The following A2ML1 variants were observed in gnomAD, a reference collection of about 807,000 sequenced individuals.
A2ML1 encodes alpha-2-macroglobulin-like protein 1.
In A2ML1, 161 loss-of-function variants were observed where a neutral mutation model predicts 181.9. The ratio of observed to expected loss-of-function variants is 0.89; its 90% CI spans 0.78 to 1.01. A2ML1 has a LOEUF of 1.01. Ranked by LOEUF, A2ML1 falls within the 50% of genes least tolerant of loss-of-function variation. The probability of loss-of-function intolerance (pLI) is 0.00; values close to 1 mark genes in which losing one functional copy is unlikely to be tolerated. For missense variants in A2ML1, 1,670 were observed against 1,768.1 expected (o/e 0.94, Z 1.00); for synonymous variants, 663 against 666.8 (o/e 0.99, Z 0.09).
At chr12:8,840,801 G>A (rs1943441655) in intron 10 of A2ML1, among the ~76,000 whole-genome samples, 1 of 151,916 alleles carries the variant, frequency 6.6e-6, no homozygotes, top group Non-Finnish European at 1.5e-5. Flanking sequence ...CCACTACTTG[G>A]GAGGCTGAGG....
At chr12:8,882,826 AT>A (rs1399372645) in intron 7 of A2ML1, among the ~76,000 whole-genome samples, 1 of 152,132 alleles carries the variant, frequency 6.6e-6, no homozygotes, top group Non-Finnish European at 1.5e-5. Flanking sequence ...TCCTAATCTG[AT>A]TATGACATTC....
intron 26 of A2ML1, among the ~76,000 whole-genome samples, chr12:8,859,293 TA>T (rs60731237): frequency 0.035 from 5,242 of 150,668 alleles, 342 homozygotes; most frequent in African/African-American, 0.12. Context: ...TCTTGAGTGT[TA>T]AAAAAAAAAT....
rs771519967 is a variant in A2ML1, at chr12:8,823,863, C to T, written c.390C>T (p.Leu130=). The T allele has an allele frequency of 1.2e-6, 2 of 1,613,308 alleles. No individual in the cohort carries two copies. The highest frequency in any genetic ancestry group is 1.3e-5 in the African/African-American group (1 of 74,886). ...CCTTTGTACAGACTGACAAACCTCT[C>T]TACACCCCAGGGCAGCAAGGTAAGA... ...NGTFVQTDKP[L]YTPGQQVYFR... Residue 130 remains leucine, a synonymous_variant, in exon 3 of 36, where the codon CTC becomes CTT. Transcript: ENST00000299698.
intron 8 of A2ML1, 143 bp downstream of exon 8, chr12:8,837,709 G>C (rs1162445749): frequency 1.1e-6 from 1 of 901,596 alleles, no homozygotes; most frequent in East Asian, 3.9e-5. Flanking sequence ...GGGAAACCCC[G>C]TCTCTATTAA....
intron 12 of A2ML1, chr12:8,845,198 C>T: frequency 6.5e-7 from 1 of 1,535,238 alleles, no homozygotes; most frequent in Non-Finnish European, 8.7e-7. Flanking sequence ...TCTATGCTGT[C>T]AGACTCCTCC....
intron 23 of A2ML1, 121 bp from the exon 24 acceptor site, chr12:8,857,043 G>A (rs1944089243): frequency 7.0e-6 from 7 of 1,006,826 alleles, no homozygotes; most frequent in Non-Finnish European, 8.7e-6. Flanking sequence ...ACCACGCCCG[G>A]CCCATAGTAG....
intron 7 of A2ML1, among the ~76,000 whole-genome samples, chr12:8,885,176 C>T (rs908410147): frequency 3.3e-5 from 5 of 152,202 alleles, no homozygotes; most frequent in African/African-American, 1.2e-4. Flanking sequence ...TGCCTTCTCA[C>T]TCTTTCAATA....
chr12:8,829,592 C>A (rs1943042343), intron 3 of A2ML1, 135 bp from the exon 4 acceptor site: 2 of 802,028 alleles, frequency 2.5e-6, no homozygotes, highest in African/African-American at 3.6e-5. Context: ...GAGTTTGAGG[C>A]TGAAGTGAGC....
chr12:8,825,165 C>T (rs1942888880), intron 3 of A2ML1, among the ~76,000 whole-genome samples: 1 of 152,116 alleles, frequency 6.6e-6, no homozygotes, highest in Admixed American at 6.5e-5. Context: ...TTTCAGAAAC[C>T]TCCAAACTGT....
At chr12:8,862,230 T>C (rs1944291904) in intron 28 of A2ML1, among the ~76,000 whole-genome samples, 2 of 152,172 alleles carry the variant, frequency 1.3e-5, no homozygotes, top group Non-Finnish European at 2.9e-5. Context: ...TGAGACGGTG[T>C]CTTGCTCTGT....
At chr12:8,828,968 TC>T (rs1297219992) in intron 3 of A2ML1, among the ~76,000 whole-genome samples, 5 of 152,184 alleles carry the variant, frequency 3.3e-5, no homozygotes, top group Non-Finnish European at 5.9e-5. Flanking sequence ...CACTGTGCTC[TC>T]CCGCCCTCAA....
At chr12:8,836,785 G>T (rs1307203130) in intron 7 of A2ML1, among the ~76,000 whole-genome samples, 1 of 151,742 alleles carries the variant, frequency 6.6e-6, no homozygotes, top group African/African-American at 2.4e-5. Flanking sequence ...GCCCAGCCAA[G>T]AACATATTTT....
chr12:8,847,597 G>A lies in A2ML1; in HGVS notation c.1732G>A (p.Glu578Lys), dbSNP rs1232318815. ...CCAGCAGCTTCCAGGAGCAGAAGTG[G>A]AGCTGCAGCTGCAGGCAGCTCCCGG... ...PSQQLPGAEV[E>K]LQLQAAPGSL... Residue 578 changes from glutamate (E) to lysine (K), a missense_variant, in exon 15 of 36, where the codon GAG becomes AAG. By Grantham distance (56) the Glu-to-Lys change is moderately conservative (BLOSUM62 1). Coordinates refer to ENST00000299698, the MANE Select transcript of A2ML1 (RefSeq NM_144670.6). 2.5e-6 allele frequency: 4 copies of A among 1,613,544 alleles called. No homozygotes were observed. Among genetic ancestry groups the A allele is most frequent in the Non-Finnish European group, 3.4e-6 (4 of 1,179,758 alleles).
At chr12:8,835,443 CT>C in intron 5 of A2ML1, 63 bp from the exon 6 acceptor site, 1 of 1,598,000 alleles carries the variant, frequency 6.3e-7, no homozygotes, top group East Asian at 2.2e-5. Context: ...TCTTTACCTG[CT>C]TTTTGCAATG....
intron 30 of A2ML1, 38 bp downstream of exon 30, chr12:8,868,095 A>C: frequency 1.2e-6 from 2 of 1,611,718 alleles, no homozygotes; most frequent in Non-Finnish European, 1.7e-6. Flanking sequence ...GACATTGGGA[A>C]GGAGAGTCGG....
chr12:8,862,465 G>A (rs1174805844), intron 28 of A2ML1, among the ~76,000 whole-genome samples: 2 of 152,202 alleles, frequency 1.3e-5, no homozygotes, highest in African/African-American at 4.8e-5. Context: ...GTCTTCCAAA[G>A]TGCTGAATTA....
At chr12:8,850,549 G>T (rs2136871295) in intron 18 of A2ML1, among the ~76,000 whole-genome samples, 1 of 152,088 alleles carries the variant, frequency 6.6e-6, no homozygotes, top group East Asian at 1.9e-4. Flanking sequence ...CTCCTGCTTG[G>T]GTGACAGAGC....
At chr12:8,871,845 A>AT in intron 33 of A2ML1, among the ~76,000 whole-genome samples, 1 of 151,470 alleles carries the variant, frequency 6.6e-6, no homozygotes, top group South Asian at 2.1e-4. Flanking sequence ...CACACACACA[A>AT]TTTTTTTCCC....
At chr12:8,837,963 A>G (rs1385103544) in intron 8 of A2ML1, among the ~76,000 whole-genome samples, 1 of 152,078 alleles carries the variant, frequency 6.6e-6, no homozygotes, top group Non-Finnish European at 1.5e-5. Context: ...GAAAAGAGCT[A>G]AACAGCCCAA....
Sources: allele counts gnomAD v4.1 joint callset (sites outside exome capture counted in the v4.1 genomes callset), GRCh38; gene constraint gnomAD v4.1.1; transcripts MANE v1.5; gene names NCBI Gene and HGNC (gene_info 2026-07-23, HGNC 2026-07-21).